Variants in NUBPL observed in about 807,000 individuals in gnomAD.
NUBPL encodes the protein iron-sulfur cluster transfer protein NUBPL.
A neutral mutation model predicts 45.7 loss-of-function variants in NUBPL; 31 were observed. That is an observed-to-expected ratio of 0.68 (90% CI 0.51 to 0.92). NUBPL has a LOEUF of 0.92. NUBPL is among the 40% of genes least tolerant of loss of function. The pLI is 0.00. For missense variants in NUBPL, 401 were observed against 398.7 expected (o/e 1.01, Z -0.05); for synonymous variants, 144 against 140.9 (o/e 1.02, Z -0.15).
At chr14:31,847,023 A>G (rs1233942842) in intron 9 of NUBPL, among the ~76,000 whole-genome samples, 1 of 152,118 alleles carries the variant, frequency 6.6e-6, no homozygotes, top group Non-Finnish European at 1.5e-5. Context: ...TGTGTTTTAA[A>G]TTAATATAGC....
intron 6 of NUBPL, among the ~76,000 whole-genome samples, chr14:31,681,525 A>G (rs1180006006): frequency 6.8e-6 from 1 of 148,106 alleles, no homozygotes; most frequent in East Asian, 2.0e-4. Context: ...TTTTTCTGTC[A>G]TATGTTTGTT....
At chr14:31,710,120 G>A (rs2037537487) in intron 6 of NUBPL, among the ~76,000 whole-genome samples, 1 of 152,128 alleles carries the variant, frequency 6.6e-6, no homozygotes, top group African/African-American at 2.4e-5. Flanking sequence ...GGGTCAGGCT[G>A]TAGCACAGAA....
intron 6 of NUBPL, among the ~76,000 whole-genome samples, chr14:31,733,709 A>G (rs1463920072): frequency 6.6e-6 from 1 of 152,174 alleles, no homozygotes; most frequent in African/African-American, 2.4e-5. Context: ...TGTATATGTA[A>G]TCATGTCATC....
intron 3 of NUBPL, among the ~76,000 whole-genome samples, chr14:31,595,932 A>G (rs2034270477): frequency 7.0e-6 from 1 of 141,922 alleles, no homozygotes; most frequent in African/African-American, 2.6e-5. Flanking sequence ...TTTAAGACAG[A>G]GTCTCACTCT....
chr14:31,624,629 A>G (rs1296535164), intron 4 of NUBPL, among the ~76,000 whole-genome samples: 1 of 152,058 alleles, frequency 6.6e-6, no homozygotes, highest in Non-Finnish European at 1.5e-5. Flanking sequence ...CAGTGATGTA[A>G]TCTCGGCTCA....
chr14:31,687,449 G>A (rs1349596281), intron 6 of NUBPL, among the ~76,000 whole-genome samples: 1 of 152,188 alleles, frequency 6.6e-6, no homozygotes, highest in African/African-American at 2.4e-5. Context: ...CTTACACACT[G>A]TGCATGGTGC....
intron 6 of NUBPL, among the ~76,000 whole-genome samples, chr14:31,694,428 T>C (rs1330917611): frequency 2.6e-5 from 4 of 152,216 alleles, no homozygotes; most frequent in African/African-American, 9.6e-5. Flanking sequence ...CATTTAGTAA[T>C]TATTTATTGA....
At chr14:31,708,757 C>T (rs901315850) in intron 6 of NUBPL, among the ~76,000 whole-genome samples, 52 of 152,282 alleles carry the variant, frequency 3.4e-4, no homozygotes, top group African/African-American at 1.1e-3. Flanking sequence ...CATGAGCTGG[C>T]GCTTGTTCCG....
chr14:31,853,234 T>C (rs1370843321), intron 10 of NUBPL, among the ~76,000 whole-genome samples: 2 of 152,166 alleles, frequency 1.3e-5, no homozygotes, highest in Non-Finnish European at 2.9e-5. Flanking sequence ...TTTTGTGTGT[T>C]TGGTAGAGAT....
chr14:31,736,950 G>A (rs1011320875), intron 6 of NUBPL, among the ~76,000 whole-genome samples: 5 of 152,082 alleles, frequency 3.3e-5, no homozygotes, highest in African/African-American at 1.2e-4. Flanking sequence ...ACTGCTTATT[G>A]TCTACTTGGA....
intron 7 of NUBPL, among the ~76,000 whole-genome samples, chr14:31,808,483 T>TGCTGAA (rs1362837372): frequency 6.6e-6 from 1 of 152,242 alleles, no homozygotes; most frequent in East Asian, 1.9e-4. Context: ...CCTGAGACTT[T>TGCTGAA]GCTGAAGTTG....
intron 7 of NUBPL, among the ~76,000 whole-genome samples, chr14:31,803,445 GTAATTTA>G (rs1232676335): frequency 7.1e-6 from 1 of 140,780 alleles, no homozygotes; most frequent in Non-Finnish European, 1.6e-5. Flanking sequence ...CTAAAACTTT[GTAATTTA>G]TAATGACCTC....
intron 7 of NUBPL, among the ~76,000 whole-genome samples, chr14:31,789,475 A>G (rs1209838235): frequency 6.6e-6 from 1 of 152,160 alleles, no homozygotes; most frequent in Admixed American, 6.5e-5. Flanking sequence ...TACTACTTCA[A>G]TATGGTAATG....
chr14:31,847,934 G>A (rs898155928), intron 9 of NUBPL, among the ~76,000 whole-genome samples: 8 of 152,012 alleles, frequency 5.3e-5, no homozygotes, highest in African/African-American at 4.8e-5. Context: ...ATTGACATTC[G>A]CTTATATAAT....
At chr14:31,618,452 C>T (rs2034969016) in intron 4 of NUBPL, among the ~76,000 whole-genome samples, 1 of 152,164 alleles carries the variant, frequency 6.6e-6, no homozygotes, top group Non-Finnish European at 1.5e-5. Context: ...TTAAATGTGT[C>T]CCAGAGATTC....
At chr14:31,802,138 T>A (rs766170188) in intron 7 of NUBPL, among the ~76,000 whole-genome samples, 13 of 152,190 alleles carry the variant, frequency 8.5e-5, no homozygotes, top group Non-Finnish European at 1.8e-4. Flanking sequence ...ATCCCAGGAA[T>A]GAGTTAATTC....
intron 7 of NUBPL, among the ~76,000 whole-genome samples, chr14:31,812,419 G>A (rs543366880): frequency 2.6e-5 from 4 of 152,190 alleles, no homozygotes; most frequent in East Asian, 1.9e-4. Flanking sequence ...ACAAGACTCC[G>A]TGGGCAAGAG....
In NUBPL at chr14:31,562,042, C is replaced by CT. The variant is rs1276699259; in HGVS notation, c.109-21dup. On this transcript the variant is annotated intron_variant, in intron 1 of 10. Transcript: ENST00000281081. Reference sequence around the variant, plus strand: ...GATGGAGATGGCTTATTTAAAACGGCTTTTTATTATTATTATTTTTTAAAG... The same window carrying CT: ...GATGGAGATGGCTTATTTAAAACGGCTTTTTTATTATTATTATTTTTTAAAG... 4.5e-6 allele frequency: 7 copies of CT among 1,551,328 alleles called. No individual in the cohort carries two copies. In the Admixed American group the frequency reaches 5.9e-5, roughly 13 times the overall value.
At chr14:31,582,628 T>C (rs1176736283) in intron 3 of NUBPL, among the ~76,000 whole-genome samples, 1 of 150,942 alleles carries the variant, frequency 6.6e-6, no homozygotes, top group African/African-American at 2.4e-5. Context: ...GTATTACTTA[T>C]TTTTTTTTCC....
Sources: allele counts gnomAD v4.1 joint callset (sites outside exome capture counted in the v4.1 genomes callset), GRCh38; gene constraint gnomAD v4.1.1; transcripts MANE v1.5; gene names NCBI Gene and HGNC (gene_info 2026-07-23, HGNC 2026-07-21).